METTL5: variants seen among roughly 807,000 people sequenced by gnomAD.
METTL5 encodes the protein methyltransferase 5, N6-adenosine.
A neutral mutation model predicts 26.5 loss-of-function variants in METTL5; 28 were observed. That is an observed-to-expected ratio of 1.06 (90% CI 0.78 to 1.45). The LOEUF (loss-of-function observed/expected upper bound fraction) is 1.45. Among genes scored for constraint, METTL5 ranks in the 40% most tolerant of loss-of-function variants. METTL5 has a pLI of 0.00. For synonymous variants in METTL5, 86 were observed against 82.6 expected, an observed-to-expected ratio of 1.04 and a Z score of -0.22; for missense variants, 231 against 249.9, an observed-to-expected ratio of 0.92 and a Z score of 0.51.
chr2:169,815,534 C>T lies in METTL5; in HGVS notation c.490-6G>A, dbSNP rs761765807. ...GCAGCTTTCTTTTGAACATGCTGAA[C>T]ATAAATAATATGTTGTTATGAGCTG... On this transcript the variant is annotated splice_region_variant and splice_polypyrimidine_tract_variant and intron_variant, in intron 4 of 6. Transcript: ENST00000260953. The T allele has an allele frequency of 7.5e-6, 12 of 1,592,114 alleles. No homozygotes were observed. Among genetic ancestry groups the T allele is most frequent in the Middle Eastern group, 3.3e-4 (2 of 6,024 alleles).
chr2:169,824,556 T>A lies in METTL5; in HGVS notation c.42A>T (p.Gln14His), dbSNP rs758629888. 6.2e-7 allele frequency: 1 copy of A among 1,614,112 alleles called. No homozygotes were observed. Among genetic ancestry groups the A allele is most frequent in the African/African-American group, 1.3e-5 (1 of 74,960 alleles). The stretch of plus-strand genomic sequence containing the variant: ...TGGGCTTTTCAAATCCATCCACTTG[T>A]TGCAGGCGACTCTCTAGTTCCTTAA... ...VRLKELESRL[Q>H]QVDGFEKPKL... The change falls in exon 1 of 7, where the codon CAA becomes CAT. Residue 14 changes from glutamine (Q) to histidine (H), a missense_variant. By Grantham distance (24) the Gln-to-His change is conservative (BLOSUM62 0). Coordinates refer to ENST00000260953, the MANE Select transcript of METTL5 (RefSeq NM_014168.4).
chr2:169,824,171 G>T, intron 1 of METTL5: 1 of 247,902 alleles, frequency 4.0e-6, no homozygotes, highest in Non-Finnish European at 8.0e-6. Context: ...TCTGGGCACT[G>T]GGAATTCAAG....
chr2:169,819,219 C>G (rs1452739594), intron 4 of METTL5, among the ~76,000 whole-genome samples: 1 of 152,192 alleles, frequency 6.6e-6, no homozygotes, highest in Non-Finnish European at 1.5e-5. Flanking sequence ...TTAAGTACAT[C>G]AGGCCACACC....
chr2:169,822,002 AACG>A lies in METTL5; in HGVS notation c.162_164del (p.Val55del), dbSNP rs2081591599. 23 of 1,613,622 alleles carry A rather than the reference AACG, an allele frequency of 1.4e-5. No individual in the cohort carries two copies. Among genetic ancestry groups the A allele is most frequent in the Non-Finnish European group, 1.6e-5 (19 of 1,180,026 alleles). On this transcript the variant is annotated inframe_deletion, in exon 2 of 7. Coordinates refer to ENST00000260953, the MANE Select transcript of METTL5 (RefSeq NM_014168.4). The stretch of plus-strand genomic sequence containing the variant: ...CTCCACAACCACATCCTAGATCTGC[AACG>A]ACTTTATTTTCAATGTCATCATAAG...
chr2:169,815,483 T>C lies in METTL5; in HGVS notation c.535A>G (p.Ile179Val). Residue 179 changes from isoleucine (I) to valine (V), a missense_variant, in exon 5 of 7, where the codon ATA becomes GTA. Physicochemically the swap from Ile to Val is conservative, Grantham distance 29 (BLOSUM62 3). Coordinates refer to ENST00000260953, the MANE Select transcript of METTL5 (RefSeq NM_014168.4). ...AAEWKIKIDI[I>V]AELRYDLPAS... The stretch of plus-strand genomic sequence containing the variant: ...GGATTGAGATTTGTCTTACCTGCTA[T>C]AATATCTATCTTGATTTTCCATTCT... The C allele has an allele frequency of 6.2e-7, 1 of 1,603,058 alleles. No homozygotes were observed. The highest frequency in any genetic ancestry group is 8.5e-7 in the Non-Finnish European group (1 of 1,172,040).
intron 6 of METTL5, chr2:169,812,127 C>A: frequency 1.8e-6 from 1 of 560,716 alleles, no homozygotes; most frequent in Non-Finnish European, 3.1e-6. Context: ...AGAATATTAG[C>A]TATTGACGAT....
At chr2:169,812,074 A>AT (rs941579453) in intron 6 of METTL5, 2,740 of 588,484 alleles carry the variant, frequency 4.7e-3, no homozygotes, top group Middle Eastern at 7.7e-3. Flanking sequence ...ACAGTTTTTG[A>AT]TTTTTTTTTT....
chr2:169,820,885 T>TTG (rs3049450), intron 3 of METTL5, among the ~76,000 whole-genome samples: 86,205 of 147,750 alleles, frequency 0.58, 25,168 homozygotes, highest in Admixed American at 0.67. Flanking sequence ...AAATTAAAAT[T>TTG]TGTGTGTGTG....
intron 4 of METTL5, among the ~76,000 whole-genome samples, chr2:169,816,306 A>G (rs1477653134): frequency 2.0e-5 from 3 of 152,192 alleles, no homozygotes; most frequent in East Asian, 1.9e-4. Flanking sequence ...GATCATTTCT[A>G]TAGTTCGTTA....
chr2:169,819,074 C>T (rs1234068022), intron 4 of METTL5, among the ~76,000 whole-genome samples: 2 of 152,140 alleles, frequency 1.3e-5, no homozygotes, highest in African/African-American at 4.8e-5. Context: ...TGCCCCTTCC[C>T]CCAGTTTCCT....
chr2:169,812,246 T>C (rs1289458229), intron 6 of METTL5: 3 of 708,888 alleles, frequency 4.2e-6, no homozygotes, highest in Non-Finnish European at 6.8e-6. Flanking sequence ...CTTTCCTTTT[T>C]TTTTCTTTTT....
intron 5 of METTL5, among the ~76,000 whole-genome samples, chr2:169,814,489 G>GAAAAA (rs1690082571): frequency 2.2e-5 from 1 of 45,218 alleles, no homozygotes; most frequent in Non-Finnish European, 4.6e-5. Flanking sequence ...AAAGAAAAAA[G>GAAAAA]AAAATGAAAT....
At chr2:169,813,750 T>C (rs905401059) in intron 5 of METTL5, among the ~76,000 whole-genome samples, 1 of 151,398 alleles carries the variant, frequency 6.6e-6, no homozygotes, top group African/African-American at 2.4e-5. Flanking sequence ...TAGTCCCAGC[T>C]AGTTGGGGAG....
At chr2:169,811,986 A>T in intron 6 of METTL5, 128 bp from the exon 7 acceptor site, 2 of 1,078,902 alleles carry the variant, frequency 1.9e-6, no homozygotes, top group Non-Finnish European at 2.7e-6. Flanking sequence ...AGATTCTTCC[A>T]TTAAATTGCC....
chr2:169,820,957 TG>T, intron 3 of METTL5, 134 bp downstream of exon 3: 1 of 644,736 alleles, frequency 1.6e-6, no homozygotes, highest in Non-Finnish European at 2.5e-6. Context: ...TACCAATTCC[TG>T]GCCCCAAATG....
Position 169,824,709 on chromosome 2 carries a change from C to A in METTL5, c.-112G>T, listed in dbSNP as rs1354965810. The A allele has an allele frequency of 6.8e-6, 6 of 887,962 alleles. No individual in the cohort carries two copies. The Admixed American group carries it at 1.2e-4, about 18-fold the overall frequency. The allele number at this position is 887,962 out of a possible 1,614,324, so 55.0% of individuals were successfully genotyped here. ...CCCCAACCTTCTCCCTTTTTCAGCA[C>A]CGCTGGCCGGACCCGAAGACGCGCC... On this transcript the variant is annotated 5_prime_UTR_variant, in exon 1 of 7. Transcript: ENST00000260953.
intron 2 of METTL5, 24 bp downstream of exon 2, chr2:169,821,919 A>G (rs780012963): frequency 1.2e-6 from 2 of 1,605,924 alleles, no homozygotes; most frequent in Admixed American, 1.7e-5. Flanking sequence ...CCAATACCCA[A>G]ATAGCATATA....
At chr2:169,819,538 A>G (rs2081555724) in intron 4 of METTL5, 23 bp downstream of exon 4, 3 of 1,545,422 alleles carry the variant, frequency 1.9e-6, no homozygotes, top group Non-Finnish European at 2.7e-6. Flanking sequence ...AATGCCACAG[A>G]ATATCAGATG....
At chr2:169,821,311 T>G (rs751905586) in intron 2 of METTL5, 38 bp from the exon 3 acceptor site, 1 of 1,458,964 alleles carries the variant, frequency 6.9e-7, no homozygotes. Context: ...TGGCGACTTA[T>G]AGCTCCCAAG....
Sources: gnomAD v4.1 joint callset for allele counts (sites outside exome capture counted in the v4.1 genomes callset) on GRCh38, gnomAD v4.1.1 for gene constraint, MANE v1.5 for transcripts, NCBI Gene and HGNC (gene_info 2026-07-23, HGNC 2026-07-21) for gene names.